The following SOS2 variants were observed in gnomAD, a reference collection of about 807,000 sequenced individuals.
SOS2 encodes the protein son of sevenless homolog 2.
A neutral mutation model predicts 148.2 loss-of-function variants in SOS2; 65 were observed. The observed-to-expected ratio is 0.44, with a 90% CI of 0.36 to 0.54. SOS2 has a LOEUF of 0.54. Among genes scored for constraint, SOS2 ranks in the 20% least tolerant of loss-of-function variants. The pLI, the probability that SOS2 is intolerant of heterozygous loss-of-function variation, is 0.00. For synonymous variants in SOS2, 539 were observed against 537.1 expected, an observed-to-expected ratio of 1.00 and a Z score of -0.05; for missense variants, 1,341 against 1,590.2, an observed-to-expected ratio of 0.84 and a Z score of 2.67.
At chr14:50,136,557 G>A (rs1204700285) in intron 18 of SOS2, among the ~76,000 whole-genome samples, 1 of 151,524 alleles carries the variant, frequency 6.6e-6, no homozygotes, top group Non-Finnish European at 1.5e-5. Flanking sequence ...ACCATCAGTA[G>A]GTTACCACCT....
chr14:50,142,522 T>TA (rs1022500598), intron 16 of SOS2, among the ~76,000 whole-genome samples: 13 of 152,330 alleles, frequency 8.5e-5, no homozygotes, highest in South Asian at 6.2e-4. Context: ...CAGTTCCACT[T>TA]AGAGGTTTGG....
At chr14:50,178,711 T>C (rs770015593) in intron 7 of SOS2, among the ~76,000 whole-genome samples, 76,860 of 120,312 alleles carry the variant, frequency 0.64, 23,478 homozygotes, top group Admixed American at 0.69. Context: ...TATATATATA[T>C]ACACACATAT....
At chr14:50,175,791 CA>C (rs1885503111) in intron 7 of SOS2, among the ~76,000 whole-genome samples, 1 of 151,980 alleles carries the variant, frequency 6.6e-6, no homozygotes, top group Admixed American at 6.6e-5. Context: ...CCAACCACAC[CA>C]ATATAAAATG....
intron 14 of SOS2, among the ~76,000 whole-genome samples, chr14:50,147,794 A>C (rs943798237): frequency 5.9e-5 from 9 of 152,206 alleles, no homozygotes; most frequent in Non-Finnish European, 1.3e-4. Flanking sequence ...AGAAGAGCAG[A>C]TTAAAACATT....
chr14:50,222,046 T>C (rs1887219412), intron 1 of SOS2, among the ~76,000 whole-genome samples: 1 of 152,056 alleles, frequency 6.6e-6, no homozygotes, highest in Non-Finnish European at 1.5e-5. Context: ...AAAAGGACAA[T>C]GTAAAATTTC....
chr14:50,159,852 C>T lies in SOS2; in HGVS notation c.1431G>A (p.Arg477=). Residue 477 remains arginine, a synonymous_variant, in exon 10 of 23, where the codon CGG becomes CGA. Transcript: ENST00000216373. ...ISCKPNHGQT[R]LPGYSSAEYR... is the part of the protein sequence containing the mutation. Reference sequence around the variant, plus strand: ...ATTCTGCACTACTGTAACCTGGAAGCCGAGTCTGGCCATGATTAGGTTTAC... The same window carrying T: ...ATTCTGCACTACTGTAACCTGGAAGTCGAGTCTGGCCATGATTAGGTTTAC... The T allele has an allele frequency of 6.2e-7, 1 of 1,614,112 alleles. No homozygotes were observed. The highest frequency in any genetic ancestry group is 8.5e-7 in the Non-Finnish European group (1 of 1,180,012).
At chr14:50,182,731 A>G (rs1483550988) in intron 5 of SOS2, 125 bp from the exon 6 acceptor site, 3 of 692,264 alleles carry the variant, frequency 4.3e-6, no homozygotes, top group East Asian at 5.5e-5. Context: ...GCTCCACAAG[A>G]AACAGTACTT....
At chr14:50,150,505 A>G (rs892647492) in intron 13 of SOS2, among the ~76,000 whole-genome samples, 1 of 152,034 alleles carries the variant, frequency 6.6e-6, no homozygotes, top group Non-Finnish European at 1.5e-5. Context: ...CAACTTCTTA[A>G]TACATTGTTA....
chr14:50,176,933 C>G (rs1345256306), intron 7 of SOS2, among the ~76,000 whole-genome samples: 1 of 152,184 alleles, frequency 6.6e-6, no homozygotes, highest in Non-Finnish European at 1.5e-5. Context: ...CTCCTTAAAC[C>G]CAAGAGGCAG....
intron 19 of SOS2, 131 bp from the exon 20 acceptor site, chr14:50,130,893 G>GT: frequency 1.5e-6 from 1 of 660,102 alleles, no homozygotes; most frequent in Non-Finnish European, 2.5e-6. Flanking sequence ...CCTTCAGTCT[G>GT]CAATGACAGC....
At chr14:50,154,909 C>T (rs900349229) in intron 12 of SOS2, among the ~76,000 whole-genome samples, 3 of 152,096 alleles carry the variant, frequency 2.0e-5, no homozygotes, top group African/African-American at 7.2e-5. Flanking sequence ...CAAAAGTACA[C>T]TTAAGATGTG....
intron 18 of SOS2, among the ~76,000 whole-genome samples, chr14:50,136,754 G>C (rs948949177): frequency 6.6e-6 from 1 of 151,674 alleles, no homozygotes; most frequent in Non-Finnish European, 1.5e-5. Flanking sequence ...CACACCCAGC[G>C]AATTTTTGTA....
In SOS2 at chr14:50,146,683, G is replaced by A. The variant is rs117509281; in HGVS notation, c.2385-1087C>T. On this transcript the variant is annotated intron_variant, in intron 14 of 22. Coordinates refer to ENST00000216373, the MANE Select transcript of SOS2 (RefSeq NM_006939.4). ...ACAAAAAACAAAGTTATAAGAAAAC[G>A]TTTACAAGAATATTCAGTGAAGCAT... is the stretch of plus-strand genomic sequence containing the variant. 7.3e-4 allele frequency among the ~76,000 whole-genome samples: 111 copies of A among 151,874 alleles called. 1 individual carries two copies. In the East Asian group the frequency reaches 0.017, roughly 23 times the overall value.
At chr14:50,220,282 T>C (rs1887162183) in intron 1 of SOS2, among the ~76,000 whole-genome samples, 1 of 147,826 alleles carries the variant, frequency 6.8e-6, no homozygotes, top group Non-Finnish European at 1.5e-5. Flanking sequence ...GGCGGGCGCC[T>C]GTAGTCCCAG....
At chr14:50,178,672 A>ATGTG (rs1885614308) in intron 7 of SOS2, among the ~76,000 whole-genome samples, 13 of 2,842 alleles carry the variant, frequency 4.6e-3, no homozygotes, top group South Asian at 0.026. Context: ...GTGTGTGTGC[A>ATGTG]TATATATATA....
rs764215666 is a variant in SOS2 at position 50,150,245 on chromosome 14, C to T, written c.2162-15G>A. On this transcript the variant is annotated splice_polypyrimidine_tract_variant and intron_variant, in intron 13 of 22. Transcript: ENST00000216373. ...CATAGCTTTCCCTGGAAAAAGAACA[C>T]ATAAAGAAAAATGTCTTTTACTTGA... The T allele has an allele frequency of 3.3e-6, 5 of 1,507,330 alleles. No individual in the cohort carries two copies. Among genetic ancestry groups the T allele is most frequent in the Admixed American group, 1.7e-5 (1 of 59,422 alleles). 93.4% of individuals were successfully genotyped at this position (1,507,330 alleles called of 1,614,324 possible). A position where few individuals can be genotyped will look rare whatever the true frequency, so the allele number is the denominator to read the frequency against.
intron 4 of SOS2, among the ~76,000 whole-genome samples, chr14:50,192,782 TGAACCCAG>T (rs1248249579): frequency 3.9e-5 from 6 of 152,054 alleles, no homozygotes. Flanking sequence ...GAGAATGGAT[TGAACCCAG>T]GAGGCAGAGG....
At chr14:50,213,556 T>C (rs564753975) in intron 1 of SOS2, among the ~76,000 whole-genome samples, 62 of 151,926 alleles carry the variant, frequency 4.1e-4, no homozygotes, top group African/African-American at 1.4e-3. Context: ...AAAAATTAGC[T>C]GGGCCTGGTG....
At position 50,200,713 on chromosome 14, in the gene SOS2, A is replaced by G. The variant is rs1407222920; in HGVS notation, c.345+240T>C. 3.3e-5 allele frequency among the ~76,000 whole-genome samples: 5 copies of G among 152,216 alleles called. 1 individual carries two copies. In the South Asian group the frequency reaches 6.2e-4, roughly 19 times the overall value. On this transcript the variant is annotated intron_variant, in intron 3 of 22. Transcript: ENST00000216373. ...AAAAAAAAAGATGCCACAAAATAAT[A>G]GTAATGCATTATCACTATTAATAAT...
Sources: allele counts gnomAD v4.1 joint callset (sites outside exome capture counted in the v4.1 genomes callset), GRCh38; gene constraint gnomAD v4.1.1; transcripts MANE v1.5; gene names NCBI Gene and HGNC (gene_info 2026-07-23, HGNC 2026-07-21).